DFFA: variants seen among roughly 807,000 people sequenced by gnomAD.
DFFA encodes the protein DNA fragmentation factor subunit alpha, also known as DFF45.
Under a neutral mutation model 28.0 loss-of-function variants are expected in DFFA, and 14 were observed. The observed-to-expected ratio is 0.50, with a 90% CI of 0.33 to 0.78. The LOEUF (loss-of-function observed/expected upper bound fraction) is 0.78. DFFA is among the 30% of genes least tolerant of loss of function. DFFA has a pLI of 0.02. For synonymous variants in DFFA, 158 were observed against 170.3 expected, an observed-to-expected ratio of 0.93 and a Z score of 0.56; for missense variants, 395 against 407.1, an observed-to-expected ratio of 0.97 and a Z score of 0.26.
chr1:10,461,393 G>T lies in DFFA; in HGVS notation c.*97C>A, dbSNP rs533015884. On this transcript the variant is annotated 3_prime_UTR_variant, in exon 6 of 6. Transcript: ENST00000377038. ...TTCTCTGGAAGGTGCTCTAAGGCAG[G>T]GGGTAGAGTAGTACATAGGTAGTCA... is the stretch of plus-strand genomic sequence containing the variant. The T allele has an allele frequency of 1.5e-5, 22 of 1,470,606 alleles. 1 individual carries two copies. The highest frequency in any genetic ancestry group is 1.9e-4 in the Middle Eastern group (1 of 5,224). The allele number at this position is 1,470,606 out of a possible 1,614,324, so 91.1% of individuals were successfully genotyped here. A position where few individuals can be genotyped will look rare whatever the true frequency, so the allele number is the denominator to read the frequency against.
chr1:10,461,531 C>T lies in DFFA; in HGVS notation c.955G>A (p.Asp319Asn), dbSNP rs1164429161. ...CTGGCTCGCTTAGGATTCTGCAGGT[C>T]ACCAGGTGGTGAGGCCTTGCTTGCT... ...ISASKASPPG[D>N]LQNPKRARQD... Residue 319 changes from aspartate (D) to asparagine (N), a missense_variant, in exon 6 of 6, where the codon GAC becomes AAC. By Grantham distance (23) the Asp-to-Asn change is conservative (BLOSUM62 1). Coordinates refer to ENST00000377038, the MANE Select transcript of DFFA (RefSeq NM_004401.3). 6 of 1,613,944 alleles carry T rather than the reference C, an allele frequency of 3.7e-6. No homozygotes were observed. Among genetic ancestry groups the T allele is most frequent in the South Asian group, 3.3e-5 (3 of 90,998 alleles).
In DFFA at chr1:10,459,877, GCTAA is replaced by G. The variant is rs1406912654; in HGVS notation, c.*1609_*1612del. ...TTATAGGTCAGTGCCACCATGCCTGGCTAACTTAAATTTTTTTTTTGTAGAGACA... is the reference window on the plus strand; with the variant it reads ...TTATAGGTCAGTGCCACCATGCCTGGCTTAAATTTTTTTTTTGTAGAGACA... On this transcript the variant is annotated 3_prime_UTR_variant, in exon 6 of 6. Coordinates refer to ENST00000377038, the MANE Select transcript of DFFA (RefSeq NM_004401.3). 6.6e-6 allele frequency: 1 copy of G among 152,002 alleles called. No individual in the cohort carries two copies. The highest frequency in any genetic ancestry group is 2.4e-5 in the African/African-American group (1 of 41,406). The allele number at this position is 152,002 out of a possible 1,614,324, so 9.4% of individuals were successfully genotyped here.
Position 10,460,205 on chromosome 1 carries a change from A to G in DFFA, c.*1285T>C, listed in dbSNP as rs1219224329. 2 of 151,556 alleles carry G rather than the reference A, an allele frequency of 1.3e-5. No homozygotes were observed. The highest frequency in any genetic ancestry group is 2.9e-5 in the Non-Finnish European group (2 of 67,974). 9.4% of individuals were successfully genotyped at this position (151,556 alleles called of 1,614,324 possible). On this transcript the variant is annotated 3_prime_UTR_variant, in exon 6 of 6. Coordinates refer to ENST00000377038, the MANE Select transcript of DFFA (RefSeq NM_004401.3). ...GGTTGCAGTGAGCCGAGAATGTGCC[A>G]CTGCACTCCAGACTAGGTGACAGAG...
At chr1:10,461,767 ACT>A (rs1640945108) in intron 5 of DFFA, 65 bp from the exon 6 acceptor site, 9 of 1,593,084 alleles carry the variant, frequency 5.6e-6, no homozygotes, top group South Asian at 1.1e-5. Context: ...TGCTCTCCTG[ACT>A]CTCTTTTGGG....
At position 10,472,228 on chromosome 1, in the gene DFFA, C is replaced by A. The variant is rs1319287170; in HGVS notation, c.136+95G>T. ...AAGCCTCCACCCGAGATACAAGAAT[C>A]CCCAAGTCGCCTCTCCTGACCCCGC... On this transcript the variant is annotated intron_variant, in intron 1 of 5. Coordinates refer to ENST00000377038, the MANE Select transcript of DFFA (RefSeq NM_004401.3). The surrounding 1 kb of genome is among the most constrained non-coding windows in gnomAD (Gnocchi z 5.0). The A allele has an allele frequency of 7.0e-7, 1 of 1,424,806 alleles. No individual in the cohort carries two copies. The highest frequency in any genetic ancestry group is 9.3e-7 in the Non-Finnish European group (1 of 1,070,734). The allele number at this position is 1,424,806 out of a possible 1,614,324, so 88.3% of individuals were successfully genotyped here. A position where few individuals can be genotyped will look rare whatever the true frequency, so the allele number is the denominator to read the frequency against.
chr1:10,460,404 T>G lies in DFFA; in HGVS notation c.*1086A>C, dbSNP rs1640911453. On this transcript the variant is annotated 3_prime_UTR_variant, in exon 6 of 6. Coordinates refer to ENST00000377038, the MANE Select transcript of DFFA (RefSeq NM_004401.3). ...CCATCATGCCCAGCTAATTTTTGTA[T>G]TTTTAGTAGAGACGGGGTTTCACCA... 6.7e-6 allele frequency: 1 copy of G among 150,128 alleles called. No individual in the cohort carries two copies. Among genetic ancestry groups the G allele is most frequent in the Admixed American group, 6.6e-5 (1 of 15,046 alleles). The allele number at this position is 150,128 out of a possible 1,614,324, so 9.3% of individuals were successfully genotyped here. A position where few individuals can be genotyped will look rare whatever the true frequency, so the allele number is the denominator to read the frequency against.
rs770887537 is a variant in DFFA at position 10,461,566 on chromosome 1, C to T, written c.920G>A (p.Arg307Gln). The T allele has an allele frequency of 2.8e-5, 46 of 1,614,062 alleles. No homozygotes were observed. The highest frequency in any genetic ancestry group is 1.6e-4 in the Middle Eastern group (1 of 6,084). The change falls in exon 6 of 6, where the codon CGG becomes CAG. Residue 307 changes from arginine to glutamine, a missense_variant. Physicochemically the swap from Arg to Gln is conservative, Grantham distance 43. Coordinates refer to ENST00000377038, the MANE Select transcript of DFFA (RefSeq NM_004401.3). The part of the protein sequence containing the change: ...LQQTQSLHSL[R>Q]SISASKASPP... Reference sequence around the variant, plus strand: ...TGAGGCCTTGCTTGCTGAGATGCTCCGGAGAGAATGCAAGCTCTGCGTCTG... The same window carrying T: ...TGAGGCCTTGCTTGCTGAGATGCTCTGGAGAGAATGCAAGCTCTGCGTCTG...
At chr1:10,468,018 T>C (rs1021456381) in intron 2 of DFFA, among the ~76,000 whole-genome samples, 1 of 152,168 alleles carries the variant, frequency 6.6e-6, no homozygotes, top group Non-Finnish European at 1.5e-5. Context: ...CTTCTTTAAC[T>C]GGCAGAGCTG....
At chr1:10,469,069 A>T in intron 2 of DFFA, 108 bp downstream of exon 2, 1 of 1,210,506 alleles carries the variant, frequency 8.3e-7, no homozygotes, top group Non-Finnish European at 1.2e-6. Context: ...ATATCTGTTG[A>T]ACAAATGCTT....
intron 4 of DFFA, 32 bp downstream of exon 4, chr1:10,463,399 C>T (rs761637000): frequency 1.3e-6 from 2 of 1,585,712 alleles, no homozygotes; most frequent in African/African-American, 1.3e-5. Flanking sequence ...GCCCTGAATT[C>T]TCAGAGTGAC....
rs1283844015 is a variant in DFFA, at chr1:10,466,931, C to T, written c.441+259G>A. Among the ~76,000 whole-genome samples the T allele has an allele frequency of 1.0e-4, 12 of 114,616 alleles. 1 individual carries two copies. The highest frequency in any genetic ancestry group is 5.0e-4 in the Admixed American group (4 of 7,968). 75.2% of individuals were successfully genotyped at this position (114,616 alleles called of 152,430 possible). ...TTGCACCACTGCACTCCAGCCTGGG[C>T]GACAGAGTAAGACTGTGTCTCAAAA... On this transcript the variant is annotated intron_variant, in intron 3 of 5. Transcript: ENST00000377038.
intron 5 of DFFA, 87 bp from the exon 6 acceptor site, chr1:10,461,789 G>GACAAT: frequency 6.4e-7 from 1 of 1,559,630 alleles, no homozygotes; most frequent in East Asian, 2.3e-5. Flanking sequence ...GGAGTGCAAT[G>GACAAT]AGGCAGTATC....
At chr1:10,467,088 A>T (rs1407329770) in intron 3 of DFFA, 102 bp downstream of exon 3, 1 of 1,359,176 alleles carries the variant, frequency 7.4e-7, no homozygotes. Flanking sequence ...AATTAAGATT[A>T]AAACAAAGAA....
In DFFA at chr1:10,458,880, T is replaced by C. The variant is rs532776712; in HGVS notation, c.*2610A>G. ...TATTTCTTTCTTTTTTGTGTGACAG[T>C]GTCTCACTCTGTTGCAGGCTGGAGT... On this transcript the variant is annotated 3_prime_UTR_variant, in exon 6 of 6. Transcript: ENST00000377038. 4.0e-5 allele frequency: 6 copies of C among 148,916 alleles called. No individual in the cohort carries two copies. Among genetic ancestry groups the C allele is most frequent in the African/African-American group, 1.2e-4 (5 of 40,262 alleles). The allele number at this position is 148,916 out of a possible 1,614,324, so 9.2% of individuals were successfully genotyped here. A position where few individuals can be genotyped will look rare whatever the true frequency, so the allele number is the denominator to read the frequency against.
chr1:10,465,291 G>T (rs754398563), intron 3 of DFFA, among the ~76,000 whole-genome samples: 1 of 151,860 alleles, frequency 6.6e-6, no homozygotes, highest in Non-Finnish European at 1.5e-5. Flanking sequence ...TTTTGAGACA[G>T]AGTCTTGCTC....
chr1:10,462,092 T>A (rs1328881897), intron 5 of DFFA, among the ~76,000 whole-genome samples: 1 of 152,316 alleles, frequency 6.6e-6, no homozygotes, highest in South Asian at 2.1e-4. Flanking sequence ...TCTCCTGACC[T>A]TGTGATCCGC....
intron 2 of DFFA, 57 bp downstream of exon 2, chr1:10,469,120 A>T: frequency 6.5e-7 from 1 of 1,527,272 alleles, no homozygotes; most frequent in Non-Finnish European, 9.0e-7. Context: ...CAGTGAAAGT[A>T]ATCATGATGG....
At chr1:10,462,995 T>A (rs781432914) in intron 5 of DFFA, 63 bp downstream of exon 5, 3 of 1,604,786 alleles carry the variant, frequency 1.9e-6, no homozygotes, top group African/African-American at 1.3e-5. Context: ...CACCTCTGCA[T>A]GATACTACTA....
intron 5 of DFFA, 127 bp from the exon 6 acceptor site, chr1:10,461,829 C>A (rs1640945887): frequency 6.8e-7 from 1 of 1,473,104 alleles, no homozygotes; most frequent in African/African-American, 1.4e-5. Flanking sequence ...CACTGAAATG[C>A]CGGGTTTCCT....
Sources: allele counts gnomAD v4.1 joint callset (sites outside exome capture counted in the v4.1 genomes callset), GRCh38; gene constraint gnomAD v4.1.1; non-coding constraint Gnocchi (gnomAD v3.1); transcripts MANE v1.5; gene names NCBI Gene and HGNC (gene_info 2026-07-23, HGNC 2026-07-21).